Variants in VPS13D observed in about 807,000 individuals in gnomAD.
VPS13D encodes the protein intermembrane lipid transfer protein VPS13D.
VPS13D carries 187 observed loss-of-function variants against 461.9 expected under a neutral mutation model. The observed-to-expected ratio is 0.40, with a 90% CI of 0.36 to 0.46. The LOEUF (loss-of-function observed/expected upper bound fraction) is 0.46. VPS13D is among the 20% of genes least tolerant of loss of function. VPS13D has a pLI of 0.60. For synonymous variants in VPS13D, 1,951 were observed against 1,986.3 expected, an observed-to-expected ratio of 0.98 and a Z score of 0.47; for missense variants, 4,711 against 5,364.9, an observed-to-expected ratio of 0.88 and a Z score of 3.81.
At chr1:12,281,663 G>A (rs1009698207) in intron 20 of VPS13D, among the ~76,000 whole-genome samples, 14 of 152,062 alleles carry the variant, frequency 9.2e-5, no homozygotes, top group African/African-American at 2.9e-4. Flanking sequence ...ATGTTAAAGT[G>A]GATAATTGTA....
At chr1:12,282,578 T>C in intron 20 of VPS13D, 127 bp from the exon 21 acceptor site, 2 of 902,784 alleles carry the variant, frequency 2.2e-6, no homozygotes. Context: ...TGAAAAGAGA[T>C]AGTCTTTGCT....
In VPS13D at chr1:12,319,478, A is replaced by G. The variant is rs1218873772; in HGVS notation, c.7415-19A>G. On this transcript the variant is annotated intron_variant, in intron 31 of 69. Coordinates refer to ENST00000620676, the MANE Select transcript of VPS13D (RefSeq NM_015378.4). ...CAGCTTCCCAGCTCTGGCTTGATTG[A>G]CGACGTTGTCCTTTCCAGGTACGGA... 1 of 1,613,694 alleles carries G rather than the reference A, an allele frequency of 6.2e-7. No individual in the cohort carries two copies. The highest frequency in any genetic ancestry group is 1.7e-5 in the Admixed American group (1 of 59,994).
At position 12,361,394 on chromosome 1, in the gene VPS13D, TA is replaced by T. The variant is rs1349304023; in HGVS notation, c.10142-1325del. 4.0e-4 allele frequency among the ~76,000 whole-genome samples: 57 copies of T among 142,912 alleles called. 1 individual carries two copies. The South Asian group carries it at 8.6e-3, about 22-fold the overall frequency. The allele number at this position is 142,912 out of a possible 152,430, so 93.8% of individuals were successfully genotyped here. Reference sequence around the variant, plus strand: ...ATTTTTATTTATTTATTTATTTATTTATTTATTTATTTTTTTTTTGAGACGG... The same window carrying T: ...ATTTTTATTTATTTATTTATTTATTTTTTATTTATTTTTTTTTTGAGACGG... On this transcript the variant is annotated intron_variant, in intron 50 of 69. Transcript: ENST00000620676.
intron 29 of VPS13D, among the ~76,000 whole-genome samples, chr1:12,313,303 T>C (rs1184410343): frequency 7.1e-6 from 1 of 140,922 alleles, no homozygotes; most frequent in Admixed American, 7.0e-5. Flanking sequence ...TCTTTCCTTT[T>C]TTTTTTTTTT....
At chr1:12,489,658 T>C (rs953100971) in intron 67 of VPS13D, among the ~76,000 whole-genome samples, 10 of 152,184 alleles carry the variant, frequency 6.6e-5, no homozygotes, top group African/African-American at 2.4e-4. Context: ...CCATCTTAGA[T>C]CCCAGACACC....
chr1:12,230,638 AC>A (rs1639933986), intron 1 of VPS13D, among the ~76,000 whole-genome samples: 1 of 151,662 alleles, frequency 6.6e-6, no homozygotes, highest in African/African-American at 2.4e-5. Context: ...TTAATCAGCC[AC>A]CCGAGGTCAC....
In VPS13D at chr1:12,277,530, T is replaced by C; in HGVS notation, c.3942T>C (p.Phe1314=). 1 of 1,614,108 alleles carries C rather than the reference T, an allele frequency of 6.2e-7. No individual in the cohort carries two copies. Among genetic ancestry groups the C allele is most frequent in the Non-Finnish European group, 8.5e-7 (1 of 1,180,032 alleles). The stretch of plus-strand genomic sequence containing the variant: ...CCATGGATGAACTGGAAGAAAATTT[T>C]CGAGGTATGCTGAAAAGCGCAGCCA... ...TLSMDELEEN[F]RGMLKSAATK... The change falls in exon 19 of 70, where the codon TTT becomes TTC. Residue 1314 remains phenylalanine, a synonymous_variant. Transcript: ENST00000620676.
intron 68 of VPS13D, 78 bp from the exon 69 acceptor site, chr1:12,506,775 C>T: frequency 6.4e-7 from 1 of 1,551,954 alleles, no homozygotes; most frequent in Non-Finnish European, 8.7e-7. Context: ...CCTGGGGCCA[C>T]AGAGCCCGCA....
intron 54 of VPS13D, among the ~76,000 whole-genome samples, chr1:12,371,179 A>G (rs185959022): frequency 6.3e-4 from 96 of 152,228 alleles, no homozygotes; most frequent in African/African-American, 2.3e-3. Flanking sequence ...CACCCCGAAA[A>G]GAAACCAAAA....
Position 12,314,246 on chromosome 1 carries a change from C to T in VPS13D, c.7067C>T (p.Thr2356Met), listed in dbSNP as rs763271218. 5.6e-6 allele frequency: 9 copies of T among 1,614,076 alleles called. No homozygotes were observed. The highest frequency in any genetic ancestry group is 2.2e-5 in the East Asian group (1 of 44,882). ...YAGQKTSPGM[T>M]NVFSCIFQPA... is the part of the protein sequence containing the mutation. ...GGGCAGAAGACCAGCCCTGGCATGA[C>T]GAATGTGTTCAGCTGTATCTTTCAG... is the stretch of plus-strand genomic sequence containing the variant. The change falls in exon 30 of 70, where the codon ACG (threonine) becomes ATG (methionine). Residue 2356 changes from threonine to methionine, a missense_variant. Transcript: ENST00000620676.
At chr1:12,403,342 A>G (rs952776308) in intron 62 of VPS13D, among the ~76,000 whole-genome samples, 3 of 152,200 alleles carry the variant, frequency 2.0e-5, no homozygotes, top group Admixed American at 1.3e-4. Context: ...TAGTGATATT[A>G]CGTCTTTACA....
chr1:12,335,308 C>G (rs1166702020), intron 38 of VPS13D, among the ~76,000 whole-genome samples: 2 of 152,180 alleles, frequency 1.3e-5, no homozygotes, highest in Non-Finnish European at 2.9e-5. Context: ...CTCAAGTGAT[C>G]CGCCTGCCTG....
At position 12,415,154 on chromosome 1, in the gene VPS13D, T is replaced by C; in HGVS notation, c.12098T>C (p.Phe4033Ser). 1 of 1,614,108 alleles carries C rather than the reference T, an allele frequency of 6.2e-7. No homozygotes were observed. The highest frequency in any genetic ancestry group is 1.1e-5 in the South Asian group (1 of 91,078). The change falls in exon 64 of 70, where the codon TTC becomes TCC. Residue 4033 changes from phenylalanine to serine, a missense_variant. Physicochemically the swap from Phe to Ser is radical, Grantham distance 155 (BLOSUM62 -2). Coordinates refer to ENST00000620676, the MANE Select transcript of VPS13D (RefSeq NM_015378.4). ...GACGCTGTGATTAATCTAGATCCATTCACTCGGGTACATCCCTATGAGACC... is the reference window on the plus strand; with the variant it reads ...GACGCTGTGATTAATCTAGATCCATCCACTCGGGTACATCCCTATGAGACC... ...FEDAVINLDP[F>S]TRVHPYETKE...
At chr1:12,408,014 TTA>T (rs1553189604) in intron 63 of VPS13D, among the ~76,000 whole-genome samples, 2 of 152,206 alleles carry the variant, frequency 1.3e-5, no homozygotes, top group Non-Finnish European at 2.9e-5. Flanking sequence ...CGTGTTTATT[TTA>T]TGACTCTAAG....
At chr1:12,487,612 A>G (rs1359085007) in intron 67 of VPS13D, among the ~76,000 whole-genome samples, 1 of 144,906 alleles carries the variant, frequency 6.9e-6, no homozygotes, top group African/African-American at 2.6e-5. Context: ...TTCCATCTCA[A>G]AAAAAAAAAA....
chr1:12,291,978 G>T (rs1042407651), intron 23 of VPS13D, among the ~76,000 whole-genome samples: 1 of 152,138 alleles, frequency 6.6e-6, no homozygotes, highest in African/African-American at 2.4e-5. Context: ...TTTTCTCAGG[G>T]CTGGGCGTGG....
intron 1 of VPS13D, among the ~76,000 whole-genome samples, chr1:12,232,121 A>G (rs977007390): frequency 2.6e-5 from 4 of 152,074 alleles, no homozygotes; most frequent in African/African-American, 9.7e-5. Context: ...ATGTAACTCT[A>G]CCCTTAAAAA....
intron 68 of VPS13D, 59 bp from the exon 69 acceptor site, chr1:12,506,794 C>T: frequency 6.3e-7 from 1 of 1,581,450 alleles, no homozygotes; most frequent in Non-Finnish European, 8.6e-7. Context: ...CAGTGGGCCT[C>T]CCCCTGATGC....
rs757273229 is a variant in VPS13D, at chr1:12,368,549, A to G, written c.10530A>G (p.Thr3510=). The G allele has an allele frequency of 3.7e-6, 6 of 1,613,856 alleles. No homozygotes were observed. Among genetic ancestry groups the G allele is most frequent in the Non-Finnish European group, 5.1e-6 (6 of 1,179,862 alleles). ...GATYRISFSD[T]DQLPPPFRID... ...CGTATAGGATCTCATTTAGTGACAC[A>G]GATCAGTTACCTCCTCCTTTCCGAA... Residue 3510 remains threonine (T), a synonymous_variant, in exon 53 of 70, where the codon ACA becomes ACG. Transcript: ENST00000620676.
Sources: allele counts gnomAD v4.1 joint callset (sites outside exome capture counted in the v4.1 genomes callset), GRCh38; gene constraint gnomAD v4.1.1; transcripts MANE v1.5; gene names NCBI Gene and HGNC (gene_info 2026-07-23, HGNC 2026-07-21).